Variants in PRKN observed in about 807,000 individuals in gnomAD.
PRKN encodes E3 ubiquitin-protein ligase parkin.
Under a neutral mutation model 59.5 loss-of-function variants are expected in PRKN, and 56 were observed. The ratio of observed to expected loss-of-function variants is 0.94; its 90% CI spans 0.76 to 1.18. PRKN has a LOEUF of 1.18. Among genes scored for constraint, PRKN ranks in the 50% most tolerant of loss-of-function variants. PRKN has a pLI of 0.00. For synonymous variants in PRKN, 250 were observed against 222.1 expected (o/e 1.13, Z -1.12); for missense variants, 657 against 596.4 (o/e 1.10, Z -1.06).
intron 7 of PRKN, among the ~76,000 whole-genome samples, chr6:161,673,997 A>G (rs1399813960): frequency 6.6e-6 from 1 of 152,194 alleles, no homozygotes; most frequent in East Asian, 1.9e-4. Context: ...GATCAAGGGT[A>G]AAGTTGGAGC....
chr6:161,842,339 C>T (rs1793020919), intron 6 of PRKN, among the ~76,000 whole-genome samples: 1 of 151,618 alleles, frequency 6.6e-6, no homozygotes, highest in Admixed American at 6.6e-5. Flanking sequence ...CAAAATTTAG[C>T]TAGGCACCTG....
At chr6:162,388,852 C>T (rs571135939) in intron 2 of PRKN, among the ~76,000 whole-genome samples, 188 of 152,030 alleles carry the variant, frequency 1.2e-3, no homozygotes, top group Non-Finnish European at 2.2e-3. Flanking sequence ...AATATAAAGT[C>T]GGGTATGGGG....
intron 2 of PRKN, among the ~76,000 whole-genome samples, chr6:162,284,694 C>G (rs549330757): frequency 6.6e-6 from 1 of 152,272 alleles, no homozygotes; most frequent in Admixed American, 6.5e-5. Flanking sequence ...CTCAGGTCCT[C>G]CGTTTGAAGA....
At chr6:162,158,415 C>CA (rs10673194) in intron 4 of PRKN, among the ~76,000 whole-genome samples, 3 of 139,176 alleles carry the variant, frequency 2.2e-5, no homozygotes, top group Admixed American at 7.1e-5. Flanking sequence ...TGTTTGTTTG[C>CA]GTTTTTTTTT....
chr6:162,254,263 TCTGG>T (rs1779554503), intron 3 of PRKN, among the ~76,000 whole-genome samples: 1 of 151,894 alleles, frequency 6.6e-6, no homozygotes, highest in Non-Finnish European at 1.5e-5. Flanking sequence ...TTGCCACCAG[TCTGG>T]CTAACATGGT....
At chr6:161,785,562 C>T (rs1357387602) in intron 7 of PRKN, among the ~76,000 whole-genome samples, 1 of 152,178 alleles carries the variant, frequency 6.6e-6, no homozygotes, top group African/African-American at 2.4e-5. Context: ...TGCCTTTATG[C>T]AAATAATGCA....
chr6:162,023,419 GC>G (rs1554262150), intron 5 of PRKN, among the ~76,000 whole-genome samples: 1 of 152,152 alleles, frequency 6.6e-6, no homozygotes, highest in Non-Finnish European at 1.5e-5. Context: ...AGCTGATGGG[GC>G]AGCAAGAAGG....
At chr6:162,048,283 A>AAAGAG (rs1777468794) in intron 5 of PRKN, among the ~76,000 whole-genome samples, 1 of 152,186 alleles carries the variant, frequency 6.6e-6, no homozygotes, top group South Asian at 2.1e-4. Context: ...TTATTACTTT[A>AAAGAG]AAGAGATCAC....
At chr6:161,702,938 C>T (rs1163979798) in intron 7 of PRKN, among the ~76,000 whole-genome samples, 1 of 149,222 alleles carries the variant, frequency 6.7e-6, no homozygotes, top group Admixed American at 6.7e-5. Flanking sequence ...AATTAAAAGA[C>T]TAACTGTAGG....
rs553155493 is a variant in PRKN at position 161,688,450 on chromosome 6, T to G, written c.871+97322A>C. Among the ~76,000 whole-genome samples, 5 of 152,346 alleles carry G rather than the reference T, an allele frequency of 3.3e-5. No homozygotes were observed. In the South Asian group the frequency reaches 1.0e-3, roughly 32 times the overall value. On this transcript the variant is annotated intron_variant, in intron 7 of 11. Transcript: ENST00000366898. ...GTTCCATTAAAAAGCTGTCCTAAACTCTAGGCTTATCAAGACTTTTACATA... is the reference window on the plus strand; with the variant it reads ...GTTCCATTAAAAAGCTGTCCTAAACGCTAGGCTTATCAAGACTTTTACATA...
chr6:161,906,247 T>C (rs373886127), intron 6 of PRKN, among the ~76,000 whole-genome samples: 1 of 152,178 alleles, frequency 6.6e-6, no homozygotes, highest in African/African-American at 2.4e-5. Context: ...TTTTGAAAAG[T>C]TGCATGGAAG....
At position 161,499,611 on chromosome 6, in the gene PRKN, C is replaced by T. The variant is rs905083136; in HGVS notation, c.1083+49243G>A. ...CTGGATCCAAGTTAGCTGAGTTGCT[C>T]GTGAAAAATGCAGATTGCAGGTTTC... On this transcript the variant is annotated intron_variant, in intron 9 of 11. Transcript: ENST00000366898. This position sits in a 1 kb window ranked among gnomAD's most constrained non-coding sequence, Gnocchi z 4.2. Among the ~76,000 whole-genome samples, 4 of 152,104 alleles carry T rather than the reference C, an allele frequency of 2.6e-5. No homozygotes were observed. The highest frequency in any genetic ancestry group is 4.8e-5 in the African/African-American group (2 of 41,432).
chr6:161,508,058 C>T (rs760731158), intron 9 of PRKN, among the ~76,000 whole-genome samples: 16 of 152,256 alleles, frequency 1.1e-4, no homozygotes, highest in South Asian at 2.1e-4. Flanking sequence ...ATAGAAGTAT[C>T]GCACACGTTA....
At chr6:161,841,925 G>C (rs767243529) in intron 6 of PRKN, among the ~76,000 whole-genome samples, 22 of 151,950 alleles carry the variant, frequency 1.4e-4, no homozygotes, top group Non-Finnish European at 2.8e-4. Context: ...TTTCCTTATT[G>C]TATTTGGAGT....
chr6:161,491,880 T>C (rs558001347), intron 9 of PRKN, among the ~76,000 whole-genome samples: 25 of 152,132 alleles, frequency 1.6e-4, no homozygotes, highest in African/African-American at 6.0e-4. Flanking sequence ...GATCCACCCA[T>C]CTCGGCCTCC....
At chr6:161,430,405 A>G (rs1324314296) in intron 9 of PRKN, among the ~76,000 whole-genome samples, 5 of 152,222 alleles carry the variant, frequency 3.3e-5, no homozygotes, top group Non-Finnish European at 7.3e-5. Context: ...GCAGAATGAT[A>G]GCAATTTTCA....
intron 2 of PRKN, among the ~76,000 whole-genome samples, chr6:162,387,559 G>T (rs57463028): frequency 2.3e-5 from 1 of 43,482 alleles, no homozygotes; most frequent in Admixed American, 2.0e-4. Flanking sequence ...CACACACAGA[G>T]AGAGAGAGAG....
chr6:161,776,884 A>G (rs540769247), intron 7 of PRKN, among the ~76,000 whole-genome samples: 1 of 152,156 alleles, frequency 6.6e-6, no homozygotes, highest in African/African-American at 2.4e-5. Flanking sequence ...ACAAATAAGA[A>G]TAATAATTTC....
chr6:162,020,438 A>G (rs1783102574), intron 5 of PRKN, among the ~76,000 whole-genome samples: 1 of 151,806 alleles, frequency 6.6e-6, no homozygotes, highest in Non-Finnish European at 1.5e-5. Context: ...TTTTCTAGAT[A>G]TTCTTTTGTA....
Sources: allele counts gnomAD v4.1 joint callset (sites outside exome capture counted in the v4.1 genomes callset), GRCh38; gene constraint gnomAD v4.1.1; non-coding constraint Gnocchi (gnomAD v3.1); transcripts MANE v1.5; gene names NCBI Gene and HGNC (gene_info 2026-07-23, HGNC 2026-07-21).